PKHD1L1: variants seen among roughly 807,000 people sequenced by gnomAD.
PKHD1L1 encodes the protein PKHD1 like 1, also known as fibrocystin-L.
Under a neutral mutation model 462.9 loss-of-function variants are expected in PKHD1L1, and 434 were observed. That is an observed-to-expected ratio of 0.94 (90% confidence interval 0.87 to 1.02). The LOEUF is 1.02. Among genes scored for constraint, PKHD1L1 ranks in the 50% least tolerant of loss-of-function variants. The pLI is 0.00. For synonymous variants in PKHD1L1, 1,781 were observed against 1,750.0 expected, an observed-to-expected ratio of 1.02 and a Z score of -0.44; for missense variants, 5,202 against 5,096.1, an observed-to-expected ratio of 1.02 and a Z score of -0.63.
intron 19 of PKHD1L1, among the ~76,000 whole-genome samples, 178 bp downstream of exon 19, chr8:109,410,156 C>T (rs1027431697): frequency 1.3e-5 from 2 of 152,020 alleles, no homozygotes; most frequent in African/African-American, 4.8e-5. Context: ...ATTGGTACTG[C>T]CGTCTATGAT....
At chr8:109,397,804 C>A (rs754676020) in intron 11 of PKHD1L1, among the ~76,000 whole-genome samples, 44 of 152,208 alleles carry the variant, frequency 2.9e-4, no homozygotes, top group Non-Finnish European at 5.3e-4. Context: ...CCTCACATTT[C>A]ATGGGCTGCA....
rs189654073 is a variant in PKHD1L1, at chr8:109,481,780, G to A, written c.9457+218G>A. On this transcript the variant is annotated intron_variant, in intron 56 of 77. Transcript: ENST00000378402. ...AATTAAATAACCTCACATTTCACCA[G>A]GTTAAAACAGATATAAATGTGTGTA... Among the ~76,000 whole-genome samples, 563 of 151,674 alleles carry A rather than the reference G, an allele frequency of 3.7e-3. 4 individuals carry two copies. Among genetic ancestry groups the A allele is most frequent in the Middle Eastern group, 6.8e-3 (2 of 294 alleles).
chr8:109,400,070 A>G lies in PKHD1L1; in HGVS notation c.1013-6A>G. ...TGAAAGTCTTATTTTATTTCATTAC[A>G]CTTAGGAGGGAGAGGCCTGAAGCTT... On this transcript the variant is annotated splice_region_variant and splice_polypyrimidine_tract_variant and intron_variant, in intron 12 of 77. Coordinates refer to ENST00000378402, the MANE Select transcript of PKHD1L1 (RefSeq NM_177531.6). The G allele has an allele frequency of 1.2e-6, 2 of 1,606,326 alleles. No individual in the cohort carries two copies. The highest frequency in any genetic ancestry group is 1.1e-5 in the South Asian group (1 of 90,272).
chr8:109,419,203 T>A lies in PKHD1L1; in HGVS notation c.2467T>A (p.Ser823Thr). The A allele has an allele frequency of 6.2e-7, 1 of 1,613,050 alleles. No individual in the cohort carries two copies. The highest frequency in any genetic ancestry group is 1.7e-5 in the Admixed American group (1 of 59,928). ...ISLHKASESQ[S>T]FYVDVVYIGH... is the part of the protein sequence containing the mutation. ...CTTACATAAAGCATCAGAATCACAG[T>A]CCTTCTATGTGGATGTAGTGTACAT... Residue 823 changes from serine to threonine, a missense_variant, in exon 22 of 78, where the codon TCC becomes ACC. By Grantham distance (58) the Ser-to-Thr change is moderately conservative (BLOSUM62 1). Coordinates refer to ENST00000378402, the MANE Select transcript of PKHD1L1 (RefSeq NM_177531.6).
chr8:109,497,430 CTTTTTTTTTT>C (rs11475834), intron 65 of PKHD1L1, among the ~76,000 whole-genome samples, 158 bp downstream of exon 65: 4 of 113,522 alleles, frequency 3.5e-5, no homozygotes, highest in Admixed American at 2.0e-4. Flanking sequence ...AAAAACCGTT[CTTTTTTTTTT>C]TTTTTTTTTT....
rs1455906078 is a variant in PKHD1L1, at chr8:109,534,270, G to C, written c.*4180G>C. On this transcript the variant is annotated 3_prime_UTR_variant, in exon 78 of 78. Coordinates refer to ENST00000378402, the MANE Select transcript of PKHD1L1 (RefSeq NM_177531.6). Reference sequence around the variant, plus strand: ...GAGGTCAGGAGATCGAGACTATCCTGGCTAACACAGTGAAATCCTGTCTCT... The same window carrying C: ...GAGGTCAGGAGATCGAGACTATCCTCGCTAACACAGTGAAATCCTGTCTCT... 1.3e-5 allele frequency among the ~76,000 whole-genome samples: 2 copies of C among 152,216 alleles called. No homozygotes were observed. Among genetic ancestry groups the C allele is most frequent in the Non-Finnish European group, 2.9e-5 (2 of 68,034 alleles).
At chr8:109,474,349 C>G (rs1817873183) in intron 50 of PKHD1L1, among the ~76,000 whole-genome samples, 2 of 152,028 alleles carry the variant, frequency 1.3e-5, no homozygotes, top group Non-Finnish European at 2.9e-5. Flanking sequence ...AAGACCTTTC[C>G]TTTATATTGT....
In PKHD1L1 at chr8:109,502,898, G is replaced by C. The variant is rs186247469; in HGVS notation, c.10829-1429G>C. On this transcript the variant is annotated intron_variant, in intron 67 of 77. Transcript: ENST00000378402. ...TATTTTTCCCACATTGAGGCAAAAGGTTCTTCCATATCTCTTGTCAGTTAG... is the reference window on the plus strand; with the variant it reads ...TATTTTTCCCACATTGAGGCAAAAGCTTCTTCCATATCTCTTGTCAGTTAG... 4.6e-5 allele frequency among the ~76,000 whole-genome samples: 7 copies of C among 152,144 alleles called. No homozygotes were observed. In the South Asian group the frequency reaches 1.0e-3, roughly 22 times the overall value.
chr8:109,449,191 A>C, intron 39 of PKHD1L1, 147 bp from the exon 40 acceptor site: 1 of 638,976 alleles, frequency 1.6e-6, no homozygotes, highest in Non-Finnish European at 2.4e-6. Flanking sequence ...TTGCATTAAT[A>C]GAATAATGCA....
intron 4 of PKHD1L1, 61 bp from the exon 5 acceptor site, chr8:109,384,008 AT>A: frequency 9.0e-7 from 1 of 1,107,656 alleles, no homozygotes; most frequent in Non-Finnish European, 1.4e-6. Context: ...GAAATTATCT[AT>A]TTCACAAAAC....
chr8:109,523,517 C>T lies in PKHD1L1; in HGVS notation c.12484+131C>T, dbSNP rs115117590. 1,193 of 862,892 alleles carry T rather than the reference C, an allele frequency of 1.4e-3. 15 individuals are homozygous for T. The African/African-American group carries it at 0.017, about 12-fold the overall frequency. The allele number at this position is 862,892 out of a possible 1,614,324, so 53.5% of individuals were successfully genotyped here. A position where few individuals can be genotyped will look rare whatever the true frequency, so the allele number is the denominator to read the frequency against. ...TAGACATCAGAATGCTATATTTTGC[C>T]TTGTTTCAGAAAATATTTAGTCTAG... On this transcript the variant is annotated intron_variant, in intron 76 of 77. Transcript: ENST00000378402.
chr8:109,510,318 A>C (rs1819903686), intron 70 of PKHD1L1, among the ~76,000 whole-genome samples: 1 of 152,130 alleles, frequency 6.6e-6, no homozygotes, highest in Non-Finnish European at 1.5e-5. Flanking sequence ...TAACAAATTA[A>C]CTCTATTATA....
chr8:109,404,576 C>A lies in PKHD1L1; in HGVS notation c.1396C>A (p.Gln466Lys). 6.3e-7 allele frequency: 1 copy of A among 1,575,104 alleles called. No homozygotes were observed. The highest frequency in any genetic ancestry group is 8.6e-7 in the Non-Finnish European group (1 of 1,159,642). ...GKEYYIEILL[Q>K]EYRLSAFVDV... ...CAGATACTATATTGAAATCTTGCTG[C>A]AGGAGTACAGATTAAGTGCATTTGT... Residue 466 changes from glutamine (Q) to lysine (K), a missense_variant, in exon 15 of 78, where the codon CAG becomes AAG. Coordinates refer to ENST00000378402, the MANE Select transcript of PKHD1L1 (RefSeq NM_177531.6).
In PKHD1L1 at chr8:109,481,546, AG is replaced by A; in HGVS notation, c.9445del (p.Ala3149GlnfsTer4). On this transcript the variant is annotated frameshift_variant, in exon 56 of 78. Transcript: ENST00000378402. LOFTEE classifies it high-confidence loss of function. The part of the protein sequence containing the change: ...DWALPEGPNQ[G>X]AKVLGVFGEL... ...GGGCTCTTCCAGAAGGACCAAATCA[AG>A]GGGCAAAGGTCTTAGGTGTGTGTCT... is the stretch of plus-strand genomic sequence containing the variant. 1 of 1,593,520 alleles carries A rather than the reference AG, an allele frequency of 6.3e-7. No individual in the cohort carries two copies. The highest frequency in any genetic ancestry group is 1.1e-5 in the South Asian group (1 of 87,240).
At chr8:109,443,532 A>G in intron 36 of PKHD1L1, 144 bp from the exon 37 acceptor site, 1 of 656,296 alleles carries the variant, frequency 1.5e-6, no homozygotes, top group Non-Finnish European at 2.6e-6. Flanking sequence ...TGTACTGCCT[A>G]AGACCCATTT....
chr8:109,434,602 G>C (rs1815293583), intron 28 of PKHD1L1, among the ~76,000 whole-genome samples: 1 of 152,014 alleles, frequency 6.6e-6, no homozygotes, highest in African/African-American at 2.4e-5. Context: ...CCAAGTAGCT[G>C]AGATTACAGG....
Position 109,461,908 on chromosome 8 carries a change from G to A in PKHD1L1, c.7383G>A (p.Glu2461=), listed in dbSNP as rs752400731. 18 of 1,596,536 alleles carry A rather than the reference G, an allele frequency of 1.1e-5. No individual in the cohort carries two copies. In the South Asian group the frequency reaches 1.8e-4, roughly 16 times the overall value. The change falls in exon 48 of 78, where the codon GAG becomes GAA. Residue 2461 remains glutamate, a splice_region_variant and synonymous_variant. Coordinates refer to ENST00000378402, the MANE Select transcript of PKHD1L1 (RefSeq NM_177531.6). The part of the protein sequence containing the change: ...NMVTGRIEYV[E]VFHAGQAFRL... ...TAACTGGGAGAATAGAATATGTAGA[G>A]GTGAGAGGCATTATTACTAAATCAC...
chr8:109,527,421 T>C (rs1362137403), intron 77 of PKHD1L1, among the ~76,000 whole-genome samples: 2 of 152,150 alleles, frequency 1.3e-5, no homozygotes, highest in African/African-American at 4.8e-5. Context: ...GGAGAATCGC[T>C]TGAGCCTGGG....
chr8:109,474,685 G>T (rs1347608807), intron 50 of PKHD1L1, among the ~76,000 whole-genome samples: 1 of 151,984 alleles, frequency 6.6e-6, no homozygotes, highest in African/African-American at 2.4e-5. Context: ...CTACATCAAG[G>T]ATTCTGAATA....
Sources: gnomAD v4.1 joint callset for allele counts (sites outside exome capture counted in the v4.1 genomes callset) on GRCh38, gnomAD v4.1.1 for gene constraint, MANE v1.5 for transcripts, NCBI Gene and HGNC (gene_info 2026-07-23, HGNC 2026-07-21) for gene names.